The following D2HGDH variants were observed in gnomAD, a reference collection of about 807,000 sequenced individuals.
D2HGDH encodes the protein D-2-hydroxyglutarate dehydrogenase, mitochondrial.
A neutral mutation model predicts 46.9 loss-of-function variants in D2HGDH; 31 were observed. The observed-to-expected ratio is 0.66, with a 90% CI of 0.50 to 0.89. D2HGDH has a LOEUF of 0.89. Among genes scored for constraint, D2HGDH ranks in the 40% least tolerant of loss-of-function variants. The pLI is 0.00. For synonymous variants in D2HGDH, 364 were observed against 332.6 expected (o/e 1.09, Z -1.03); for missense variants, 698 against 720.8 (o/e 0.97, Z 0.36).
intron 9 of D2HGDH, among the ~76,000 whole-genome samples, chr2:241,758,340 G>A (rs916334816): frequency 2.6e-5 from 4 of 152,138 alleles, no homozygotes; most frequent in Non-Finnish European, 5.9e-5. Context: ...TAAAATTATA[G>A]CTCAGCTTCT....
chr2:241,752,187 C>A (rs900056971), intron 8 of D2HGDH, among the ~76,000 whole-genome samples: 3 of 152,314 alleles, frequency 2.0e-5, no homozygotes, highest in African/African-American at 4.8e-5. Flanking sequence ...TTGCCATCTT[C>A]CCCCCTCACC....
At chr2:241,740,960 C>A in intron 2 of D2HGDH, 73 bp from the exon 3 acceptor site, 1 of 1,292,398 alleles carries the variant, frequency 7.7e-7, no homozygotes, top group Non-Finnish European at 1.1e-6. Context: ...AACTCGCTCT[C>A]TGGGGCGAGT....
intron 6 of D2HGDH, among the ~76,000 whole-genome samples, chr2:241,747,919 G>A (rs541092996): frequency 1.9e-4 from 29 of 152,238 alleles, no homozygotes; most frequent in African/African-American, 6.7e-4. Context: ...TTCGGGGCAA[G>A]TTGGTTGGGA....
At chr2:241,754,260 C>T (rs113001752) in intron 8 of D2HGDH, among the ~76,000 whole-genome samples, 4 of 152,218 alleles carry the variant, frequency 2.6e-5, no homozygotes, top group Non-Finnish European at 5.9e-5. Context: ...CAGCCGTGCC[C>T]GTGCGGCTGT....
At chr2:241,748,785 G>C in intron 6 of D2HGDH, 1 of 1,111,336 alleles carries the variant, frequency 9.0e-7, no homozygotes, top group Non-Finnish European at 1.1e-6. Flanking sequence ...CTTACTCTCT[G>C]GGCGGCAGTG....
chr2:241,751,167 C>A, intron 7 of D2HGDH, 79 bp from the exon 8 acceptor site: 2 of 1,595,596 alleles, frequency 1.3e-6, no homozygotes, highest in Non-Finnish European at 1.7e-6. Flanking sequence ...GCTATTACAG[C>A]TGTTCTGCCC....
chr2:241,761,750 C>T (rs964592342), intron 9 of D2HGDH, among the ~76,000 whole-genome samples: 2 of 152,112 alleles, frequency 1.3e-5, no homozygotes, highest in African/African-American at 4.8e-5. Context: ...ATGTCACCAT[C>T]CTGATTCTGC....
chr2:241,745,999 C>T (rs1479618701), intron 6 of D2HGDH, among the ~76,000 whole-genome samples: 1 of 152,184 alleles, frequency 6.6e-6, no homozygotes, highest in East Asian at 1.9e-4. Context: ...TCTTTCTGAT[C>T]TTCTAAAGTT....
intron 8 of D2HGDH, chr2:241,755,369 T>C: frequency 7.7e-7 from 1 of 1,303,446 alleles, no homozygotes; most frequent in South Asian, 1.2e-5. Flanking sequence ...CTGCGCCCCC[T>C]TCCCTACCCT....
Position 241,751,331 on chromosome 2 carries a change from G to T in D2HGDH, c.1083G>T (p.Ala361=), listed in dbSNP as rs183342534. ...AEKLGHFLEH[A]LGSGLVTDGT... ...AGCTGGGCCACTTCCTGGAGCACGC[G>T]CTGGGCTCCGGCCTGGTGACCGATG... The change falls in exon 8 of 10, where the codon GCG becomes GCT. Residue 361 remains alanine (A), a synonymous_variant. Coordinates refer to ENST00000321264, the MANE Select transcript of D2HGDH (RefSeq NM_152783.5). 6 of 1,613,662 alleles carry T rather than the reference G, an allele frequency of 3.7e-6. No individual in the cohort carries two copies. The highest frequency in any genetic ancestry group is 3.3e-5 in the Admixed American group (2 of 59,998).
Position 241,757,350 on chromosome 2 carries a change from C to T in D2HGDH, c.1306+1336C>T, listed in dbSNP as rs563985761. ...GGGGGTAAGGGCATGATGAGTGTGT[C>T]ATCATCCAGAGAAGAGGGGTACGGG... On this transcript the variant is annotated intron_variant, in intron 9 of 9. Coordinates refer to ENST00000321264, the MANE Select transcript of D2HGDH (RefSeq NM_152783.5). 2.6e-4 allele frequency among the ~76,000 whole-genome samples: 40 copies of T among 151,392 alleles called. No individual in the cohort carries two copies. In the South Asian group the frequency reaches 8.1e-3, roughly 31 times the overall value.
intron 8 of D2HGDH, 50 bp downstream of exon 8, chr2:241,751,438 G>A (rs1697183081): frequency 6.2e-7 from 1 of 1,607,390 alleles, no homozygotes; most frequent in African/African-American, 1.3e-5. Flanking sequence ...GTCCAGTCCA[G>A]CCTTGTCTTG....
At chr2:241,758,816 GCCAGACTCA>G (rs1698457573) in intron 9 of D2HGDH, among the ~76,000 whole-genome samples, 2 of 89,942 alleles carry the variant, frequency 2.2e-5, no homozygotes, top group Admixed American at 1.3e-4. Flanking sequence ...TGTGTGTAGA[GCCAGACTCA>G]TGTAGAGCCA....
intron 2 of D2HGDH, among the ~76,000 whole-genome samples, chr2:241,740,059 C>T (rs1055423616): frequency 2.6e-5 from 4 of 152,148 alleles, no homozygotes; most frequent in South Asian, 2.1e-4. Flanking sequence ...GCAGGAGGAT[C>T]GCTTGAGCTC....
rs777156202 is a variant in D2HGDH, at chr2:241,767,999, T to G, written c.*30T>G. On this transcript the variant is annotated 3_prime_UTR_variant, in exon 10 of 10. Transcript: ENST00000321264. The stretch of plus-strand genomic sequence containing the variant: ...CACTCCTGCTGCTGCCAAGGCCCAC[T>G]GGGGGTCGGCGGGTGGCTCTCGGGC... 1.2e-5 allele frequency: 18 copies of G among 1,562,148 alleles called. No individual in the cohort carries two copies. In the African/African-American group the frequency reaches 2.4e-4, roughly 21 times the overall value.
At chr2:241,751,906 CCGT>C (rs1375102210) in intron 8 of D2HGDH, among the ~76,000 whole-genome samples, 291 of 135,874 alleles carry the variant, frequency 2.1e-3, no homozygotes, top group African/African-American at 8.5e-3. Flanking sequence ...CCCTCGGTCA[CCGT>C]CACCGGGGCC....
chr2:241,740,952 C>A, intron 2 of D2HGDH, 81 bp from the exon 3 acceptor site: 4 of 1,176,926 alleles, frequency 3.4e-6, no homozygotes, highest in Non-Finnish European at 5.0e-6. Context: ...AAAAAAAAAA[C>A]TCGCTCTCTG....
At chr2:241,755,366 C>T (rs957575598) in intron 8 of D2HGDH, 2 of 1,303,660 alleles carry the variant, frequency 1.5e-6, no homozygotes, top group African/African-American at 3.0e-5. Context: ...ACTCTGCGCC[C>T]CCTTCCCTAC....
chr2:241,749,336 C>T, intron 6 of D2HGDH: 1 of 1,288,512 alleles, frequency 7.8e-7, no homozygotes, highest in Non-Finnish European at 1.0e-6. Flanking sequence ...GAGACCTTCT[C>T]TCTGGAAAAT....
Sources: allele counts gnomAD v4.1 joint callset (sites outside exome capture counted in the v4.1 genomes callset), GRCh38; gene constraint gnomAD v4.1.1; transcripts MANE v1.5; gene names NCBI Gene and HGNC (gene_info 2026-07-23, HGNC 2026-07-21).